The following PDCD6 variants were observed in gnomAD, a reference collection of about 807,000 sequenced individuals.
PDCD6 encodes the protein programmed cell death protein 6.
PDCD6 carries 12 observed loss-of-function variants against 28.3 expected under a neutral mutation model. The ratio of observed to expected loss-of-function variants is 0.42; its 90% confidence interval spans 0.27 to 0.69. The LOEUF (loss-of-function observed/expected upper bound fraction) is 0.69, where lower values mean the gene tolerates loss of function less well. Ranked by LOEUF, PDCD6 falls within the 30% of genes least tolerant of loss-of-function variation. The probability of loss-of-function intolerance (pLI) is 0.22; values close to 1 mark genes in which losing one functional copy is unlikely to be tolerated. For missense variants in PDCD6, 226 were observed against 269.9 expected (o/e 0.84, Z 1.14); for synonymous variants, 92 against 108.0 (o/e 0.85, Z 0.92).
intron 2 of PDCD6, among the ~76,000 whole-genome samples, chr5:291,309 G>A (rs919232652): frequency 1.6e-4 from 25 of 152,268 alleles, no homozygotes; most frequent in South Asian, 6.2e-4. Context: ...GTTCTCCTGC[G>A]TGGCTGCTCC....
intron 5 of PDCD6, among the ~76,000 whole-genome samples, chr5:312,605 T>G (rs1350060671): frequency 1.3e-5 from 2 of 152,154 alleles, no homozygotes; most frequent in African/African-American, 4.8e-5. Flanking sequence ...CTCTCGGGGT[T>G]CCTGCCAGGT....
In PDCD6 at chr5:306,622, A is replaced by G; in HGVS notation, c.229A>G (p.Lys77Glu). Reference protein sequence around the residue: ...SIISMFDRENKAGVNFSEFTG... With the variant: ...SIISMFDRENEAGVNFSEFTG... Reference sequence around the variant, plus strand: ...CTCAGCCATGTTTGACCGTGAGAACAAGGCCGGCGTGAACTTCAGCGAGTT... The same window carrying G: ...CTCAGCCATGTTTGACCGTGAGAACGAGGCCGGCGTGAACTTCAGCGAGTT... The change falls in exon 4 of 6, where the codon AAG (lysine) becomes GAG (glutamate). Residue 77 changes from lysine (K) to glutamate (E), a missense_variant. Coordinates refer to ENST00000264933, the MANE Select transcript of PDCD6 (RefSeq NM_013232.4). 1 of 1,613,942 alleles carries G rather than the reference A, an allele frequency of 6.2e-7. No individual in the cohort carries two copies. Among genetic ancestry groups the G allele is most frequent in the Non-Finnish European group, 8.5e-7 (1 of 1,179,996 alleles).
intron 2 of PDCD6, among the ~76,000 whole-genome samples, chr5:293,061 C>T (rs1278764436): frequency 6.6e-6 from 1 of 152,220 alleles, no homozygotes; most frequent in African/African-American, 2.4e-5. Context: ...GAAAACCAAA[C>T]ACCTCTCTCT....
At position 307,502 on chromosome 5, in the gene PDCD6, C is replaced by T. The variant is rs1209167048; in HGVS notation, c.367+742C>T. 1.3e-5 allele frequency among the ~76,000 whole-genome samples: 2 copies of T among 152,230 alleles called. No individual in the cohort carries two copies. Among genetic ancestry groups the T allele is most frequent in the African/African-American group, 4.8e-5 (2 of 41,458 alleles). Reference sequence around the variant, plus strand: ...GTGGGTCTAGGAGTGTTCACAGTGCCTGTCCAGAGTGCGTCCATAGGGCCT... The same window carrying T: ...GTGGGTCTAGGAGTGTTCACAGTGCTTGTCCAGAGTGCGTCCATAGGGCCT... On this transcript the variant is annotated intron_variant, in intron 4 of 5. Transcript: ENST00000264933. This position sits in a 1 kb window ranked among gnomAD's most constrained non-coding sequence, Gnocchi z 6.1.
At chr5:312,548 A>T (rs78310537) in intron 5 of PDCD6, 9 of 152,264 alleles carry the variant, frequency 5.9e-5, no homozygotes, top group Non-Finnish European at 1.2e-4. Flanking sequence ...GTCTGTGAAC[A>T]TGGAAGCTTC....
intron 2 of PDCD6, chr5:290,300 C>T: frequency 7.4e-7 from 1 of 1,360,252 alleles, no homozygotes; most frequent in Non-Finnish European, 1.1e-6. Flanking sequence ...TTCAGCGCCT[C>T]CTGGAGACTC....
At chr5:291,959 C>T (rs1487983841) in intron 2 of PDCD6, among the ~76,000 whole-genome samples, 1 of 152,192 alleles carries the variant, frequency 6.6e-6, no homozygotes, top group Non-Finnish European at 1.5e-5. Context: ...TTCCTCATAA[C>T]CCACAACATA....
At chr5:280,266 TGGTTTGAGGAAC>T (rs1738481976) in intron 2 of PDCD6, among the ~76,000 whole-genome samples, 1 of 152,046 alleles carries the variant, frequency 6.6e-6, no homozygotes, top group African/African-American at 2.4e-5. Context: ...TGAGCCTGTG[TGGTTTGAGGAAC>T]GGATAGAGGC....
At chr5:278,649 G>A (rs1282641722) in intron 2 of PDCD6, among the ~76,000 whole-genome samples, 1 of 151,386 alleles carries the variant, frequency 6.6e-6, no homozygotes. Flanking sequence ...GGAGGTGAAG[G>A]TTGCAGTAAA....
chr5:271,698 A>G lies in PDCD6; in HGVS notation c.-23A>G, dbSNP rs759142062. 6.3e-6 allele frequency: 9 copies of G among 1,438,764 alleles called. No homozygotes were observed. In the East Asian group the frequency reaches 2.3e-4, roughly 37 times the overall value. 89.1% of individuals were successfully genotyped at this position (1,438,764 alleles called of 1,614,324 possible). On this transcript the variant is annotated 5_prime_UTR_variant, in exon 1 of 6. Coordinates refer to ENST00000264933, the MANE Select transcript of PDCD6 (RefSeq NM_013232.4). Reference sequence around the variant, plus strand: ...GGTCTCTCGTCGCTGCAGGCGCCTCAGCCCAGCCGCGTGCCTTGGCCCATG... The same window carrying G: ...GGTCTCTCGTCGCTGCAGGCGCCTCGGCCCAGCCGCGTGCCTTGGCCCATG...
At position 305,449 on chromosome 5, in the gene PDCD6, C is replaced by T. The variant is rs1003323940; in HGVS notation, c.209-1153C>T. ...GCTGGTCGTGCATATGTTGCTACGT[C>T]ACACTGATGGAGGGAGAGAAAACTT... is the stretch of plus-strand genomic sequence containing the variant. On this transcript the variant is annotated intron_variant, in intron 3 of 5. Coordinates refer to ENST00000264933, the MANE Select transcript of PDCD6 (RefSeq NM_013232.4). This position sits in a 1 kb window ranked among gnomAD's most constrained non-coding sequence, Gnocchi z 4.0. 1.3e-4 allele frequency: 20 copies of T among 152,188 alleles called. No individual in the cohort carries two copies. Among genetic ancestry groups the T allele is most frequent in the African/African-American group, 4.8e-4 (20 of 41,424 alleles). The allele number at this position is 152,188 out of a possible 1,614,324, so 9.4% of individuals were successfully genotyped here.
chr5:284,430 C>T (rs920402967), intron 2 of PDCD6, among the ~76,000 whole-genome samples: 5 of 152,142 alleles, frequency 3.3e-5, no homozygotes, highest in African/African-American at 1.2e-4. Context: ...GGTCATGCAG[C>T]TGGAGATCTG....
chr5:274,676 G>C (rs1367735758), intron 2 of PDCD6, among the ~76,000 whole-genome samples: 2 of 152,248 alleles, frequency 1.3e-5, no homozygotes, highest in East Asian at 3.9e-4. Flanking sequence ...ACACTCACAC[G>C]CTGGGCTAGG....
intron 2 of PDCD6, among the ~76,000 whole-genome samples, chr5:277,912 C>CAA (rs529926870): frequency 0.051 from 5,647 of 110,828 alleles, 208 homozygotes; most frequent in African/African-American, 0.062. Flanking sequence ...GACTCCATCT[C>CAA]AAAAAAAAAA....
intron 2 of PDCD6, among the ~76,000 whole-genome samples, chr5:283,895 T>G (rs1019768151): frequency 1.3e-5 from 2 of 151,784 alleles, no homozygotes; most frequent in African/African-American, 4.8e-5. Context: ...GGAGCTGATG[T>G]TCTAGTTTGA....
intron 2 of PDCD6, among the ~76,000 whole-genome samples, chr5:298,167 C>A (rs538762587): frequency 6.6e-6 from 1 of 152,138 alleles, no homozygotes; most frequent in Non-Finnish European, 1.5e-5. Flanking sequence ...AGGCACGGGT[C>A]GAGCTGGAGA....
chr5:314,271 C>T, intron 5 of PDCD6, 146 bp from the exon 6 acceptor site: 1 of 617,140 alleles, frequency 1.6e-6, no homozygotes, highest in Non-Finnish European at 2.9e-6. Flanking sequence ...CAGCTCCAGC[C>T]CCACCTGCGC....
Position 306,642 on chromosome 5 carries a change from C to T in PDCD6, c.249C>T (p.Ser83=), listed in dbSNP as rs912086262. The part of the protein sequence containing the change: ...DRENKAGVNF[S]EFTGVWKYIT... Reference sequence around the variant, plus strand: ...AGAACAAGGCCGGCGTGAACTTCAGCGAGTTCACGGGTGTGTGGAAGTACA... The same window carrying T: ...AGAACAAGGCCGGCGTGAACTTCAGTGAGTTCACGGGTGTGTGGAAGTACA... Residue 83 remains serine (S), a synonymous_variant, in exon 4 of 6, where the codon AGC becomes AGT. Coordinates refer to ENST00000264933, the MANE Select transcript of PDCD6 (RefSeq NM_013232.4). 20 of 1,613,692 alleles carry T rather than the reference C, an allele frequency of 1.2e-5. No homozygotes were observed. In the Admixed American group the frequency reaches 1.8e-4, roughly 15 times the overall value.
chr5:295,880 C>T (rs1239328997), intron 2 of PDCD6, among the ~76,000 whole-genome samples: 1 of 150,618 alleles, frequency 6.6e-6, no homozygotes, highest in Non-Finnish European at 1.5e-5. Flanking sequence ...TCAAATCCAT[C>T]TTCCTGACTG....
Sources: gnomAD v4.1 joint callset for allele counts (sites outside exome capture counted in the v4.1 genomes callset) on GRCh38, gnomAD v4.1.1 for gene constraint, Gnocchi (gnomAD v3.1) non-coding constraint, MANE v1.5 for transcripts, NCBI Gene and HGNC (gene_info 2026-07-23, HGNC 2026-07-21) for gene names.